PRKN: variants seen among roughly 807,000 people sequenced by gnomAD.
PRKN encodes parkin RBR E3 ubiquitin protein ligase, also known as E3 ubiquitin-protein ligase parkin.
A neutral mutation model predicts 59.5 loss-of-function variants in PRKN; 56 were observed. The ratio of observed to expected loss-of-function variants is 0.94; its 90% CI spans 0.76 to 1.18. PRKN has a LOEUF of 1.18. Ranked by LOEUF, PRKN falls within the 50% of genes most tolerant of loss-of-function variation. The pLI is 0.00. For missense variants in PRKN, 657 were observed against 596.4 expected (o/e 1.10, Z -1.06); for synonymous variants, 250 against 222.1 (o/e 1.13, Z -1.12).
chr6:161,568,100 G>T (rs1000766424), intron 8 of PRKN, among the ~76,000 whole-genome samples: 1 of 152,224 alleles, frequency 6.6e-6, no homozygotes, highest in South Asian at 2.1e-4. Flanking sequence ...GGATGTGGCA[G>T]TGATTCCAGT....
rs1412135111 is a variant in PRKN, at chr6:161,413,573, T to G, written c.1084-26696A>C. 6.6e-6 allele frequency among the ~76,000 whole-genome samples: 1 copy of G among 152,034 alleles called. No homozygotes were observed. The highest frequency in any genetic ancestry group is 1.5e-5 in the Non-Finnish European group (1 of 67,992). ...CGCTGGCCATGGTGGGATGGCAGCG[T>G]GGGCCAGGAAAGCCTGGGAACTGGG... On this transcript the variant is annotated intron_variant, in intron 9 of 11. Transcript: ENST00000366898. This position sits in a 1 kb window ranked among gnomAD's most constrained non-coding sequence, Gnocchi z 4.4.
At chr6:162,622,309 T>G (rs1001236868) in intron 1 of PRKN, among the ~76,000 whole-genome samples, 7 of 149,728 alleles carry the variant, frequency 4.7e-5, no homozygotes, top group African/African-American at 1.2e-4. Context: ...TTTTGTTTTG[T>G]TTTTTTTTGG....
rs1339716031 is a variant in PRKN at position 161,397,432 on chromosome 6, T to C, written c.1084-10555A>G. 1.3e-5 allele frequency among the ~76,000 whole-genome samples: 2 copies of C among 152,188 alleles called. No individual in the cohort carries two copies. The highest frequency in any genetic ancestry group is 2.1e-4 in the South Asian group (1 of 4,834). ...GTCAGTGGGTAAGAGCACGTGGAGA[T>C]AGCATTTGTTTTTCTGCCCTTCACA... On this transcript the variant is annotated intron_variant, in intron 9 of 11. Coordinates refer to ENST00000366898, the MANE Select transcript of PRKN (RefSeq NM_004562.3). The surrounding 1 kb of genome is among the most constrained non-coding windows in gnomAD (Gnocchi z 4.2).
intron 7 of PRKN, among the ~76,000 whole-genome samples, chr6:161,704,723 T>G (rs1027040604): frequency 7.2e-5 from 11 of 152,282 alleles, no homozygotes; most frequent in African/African-American, 2.6e-4. Context: ...TGACCAGTCC[T>G]CTGGTCTGAC....
intron 1 of PRKN, among the ~76,000 whole-genome samples, chr6:162,684,803 C>T (rs1430014791): frequency 1.3e-5 from 2 of 152,052 alleles, no homozygotes; most frequent in Non-Finnish European, 2.9e-5. Context: ...CCCAGCAGGC[C>T]AGCCTCCCTT....
chr6:162,171,650 C>T (rs1261815067), intron 4 of PRKN, among the ~76,000 whole-genome samples: 2 of 152,142 alleles, frequency 1.3e-5, no homozygotes, highest in African/African-American at 4.8e-5. Flanking sequence ...ATGTGAAACA[C>T]AGACCTCTCA....
At chr6:162,715,790 G>A (rs1008310936) in intron 1 of PRKN, among the ~76,000 whole-genome samples, 3 of 152,084 alleles carry the variant, frequency 2.0e-5, no homozygotes, top group African/African-American at 7.2e-5. Flanking sequence ...ACTCCATCCC[G>A]TCAACTACTC....
At chr6:162,691,723 A>G (rs753384120) in intron 1 of PRKN, among the ~76,000 whole-genome samples, 1 of 152,222 alleles carries the variant, frequency 6.6e-6, no homozygotes, top group Non-Finnish European at 1.5e-5. Context: ...ATACTTTCAT[A>G]AACAAATACT....
At chr6:162,727,384 G>A (rs1013608415) in intron 1 of PRKN, 2 of 469,856 alleles carry the variant, frequency 4.3e-6, no homozygotes, top group African/African-American at 2.1e-5. Context: ...AACGAGGAGC[G>A]GGGGTGCGGG....
chr6:162,526,611 T>TA (rs35154184), intron 1 of PRKN, among the ~76,000 whole-genome samples: 17,072 of 142,276 alleles, frequency 0.12, 1,153 homozygotes, highest in South Asian at 0.2. Flanking sequence ...GATCGCGCTT[T>TA]AAAAAAAAAA....
intron 6 of PRKN, among the ~76,000 whole-genome samples, chr6:161,833,625 G>A (rs1454748459): frequency 1.3e-5 from 2 of 152,108 alleles, no homozygotes; most frequent in African/African-American, 4.8e-5. Context: ...CGGATGTCCG[G>A]GTGGGCAGGT....
Position 162,243,498 on chromosome 6 carries a change from G to C in PRKN, c.412+19027C>G, listed in dbSNP as rs541287641. On this transcript the variant is annotated intron_variant, in intron 3 of 11. Transcript: ENST00000366898. The stretch of plus-strand genomic sequence containing the variant: ...CACAGGTTGATCATTTGAAAAAAAA[G>C]TCATTGAAATTTTATCTGTCAGTGT... 3.9e-5 allele frequency among the ~76,000 whole-genome samples: 6 copies of C among 152,154 alleles called. No homozygotes were observed. The South Asian group carries it at 1.2e-3, about 31-fold the overall frequency.
chr6:161,905,123 C>A (rs1190546260), intron 6 of PRKN, among the ~76,000 whole-genome samples: 1 of 152,162 alleles, frequency 6.6e-6, no homozygotes, highest in Non-Finnish European at 1.5e-5. Context: ...CACTTCCCAG[C>A]TTTTTTTCAA....
intron 7 of PRKN, among the ~76,000 whole-genome samples, chr6:161,641,456 A>G (rs1273733828): frequency 2.6e-5 from 4 of 152,162 alleles, no homozygotes; most frequent in African/African-American, 9.7e-5. Context: ...ATTTCTCCCT[A>G]TGATTTCATT....
At chr6:161,637,885 C>T (rs142922866) in intron 7 of PRKN, among the ~76,000 whole-genome samples, 1 of 152,284 alleles carries the variant, frequency 6.6e-6, no homozygotes, top group East Asian at 1.9e-4. Context: ...TCCAAGGTGA[C>T]TGATCCCAAG....
At chr6:162,221,653 C>G (rs1777940303) in intron 3 of PRKN, among the ~76,000 whole-genome samples, 1 of 152,072 alleles carries the variant, frequency 6.6e-6, no homozygotes, top group Admixed American at 6.5e-5. Context: ...CTTCTCCGGC[C>G]TTATTTCATT....
At chr6:161,367,270 C>T (rs1295499865) in intron 10 of PRKN, among the ~76,000 whole-genome samples, 4 of 151,890 alleles carry the variant, frequency 2.6e-5, no homozygotes, top group South Asian at 2.1e-4. Context: ...CGTGAGCCAC[C>T]GCGCCCGGCC....
At chr6:162,433,910 T>C (rs186217010) in intron 2 of PRKN, among the ~76,000 whole-genome samples, 33 of 152,276 alleles carry the variant, frequency 2.2e-4, no homozygotes, top group Admixed American at 1.8e-3. Context: ...GGTTCTCGCA[T>C]TCCTCATTTC....
intron 2 of PRKN, among the ~76,000 whole-genome samples, chr6:162,438,102 T>G (rs1789868388): frequency 6.6e-6 from 1 of 152,228 alleles, no homozygotes; most frequent in African/African-American, 2.4e-5. Context: ...TTGTCTTTAT[T>G]TTGTATTTTA....
Sources: allele counts gnomAD v4.1 joint callset (sites outside exome capture counted in the v4.1 genomes callset), GRCh38; gene constraint gnomAD v4.1.1; non-coding constraint Gnocchi (gnomAD v3.1); transcripts MANE v1.5; gene names NCBI Gene and HGNC (gene_info 2026-07-23, HGNC 2026-07-21).